The following FGGY variants were observed in gnomAD, a reference collection of about 807,000 sequenced individuals.
FGGY encodes the protein FGGY carbohydrate kinase domain containing.
FGGY carries 72 observed loss-of-function variants against 71.3 expected under a neutral mutation model. That is an observed-to-expected ratio of 1.01 (90% CI 0.84 to 1.23). The LOEUF is 1.23. FGGY is among the 50% of genes most tolerant of loss of function. The probability of loss-of-function intolerance (pLI) is 0.00; values close to 1 mark genes in which losing one functional copy is unlikely to be tolerated. For missense variants in FGGY, 668 were observed against 682.3 expected, an observed-to-expected ratio of 0.98 and a Z score of 0.23; for synonymous variants, 251 against 250.3, an observed-to-expected ratio of 1.00 and a Z score of -0.02.
intron 7 of FGGY, among the ~76,000 whole-genome samples, chr1:59,533,963 G>A (rs1030164319): frequency 6.6e-6 from 1 of 152,310 alleles, no homozygotes; most frequent in Non-Finnish European, 1.5e-5. Context: ...CACCAGCAAC[G>A]GAACAAAGCT....
intron 2 of FGGY, among the ~76,000 whole-genome samples, chr1:59,337,984 A>G (rs529705099): frequency 4.1e-4 from 63 of 152,306 alleles, no homozygotes; most frequent in African/African-American, 1.4e-3. Flanking sequence ...TGTTAGCTGT[A>G]GGTTTTTGTA....
At chr1:59,569,203 T>A (rs2095936431) in intron 8 of FGGY, among the ~76,000 whole-genome samples, 1 of 152,146 alleles carries the variant, frequency 6.6e-6, no homozygotes, top group South Asian at 2.1e-4. Flanking sequence ...AATTGTCGAA[T>A]CCCTGAATGG....
intron 7 of FGGY, among the ~76,000 whole-genome samples, chr1:59,533,057 A>G (rs12747307): frequency 0.17 from 25,808 of 152,170 alleles, 2,621 homozygotes; most frequent in South Asian, 0.34. Context: ...CTTGAGCGAC[A>G]CAGCAGACGG....
intron 14 of FGGY, among the ~76,000 whole-genome samples, chr1:59,739,889 G>T (rs1158277589): frequency 2.0e-5 from 3 of 152,178 alleles, no homozygotes; most frequent in African/African-American, 7.2e-5. Flanking sequence ...CCTGGTTTCT[G>T]GTTGGGTTTG....
intron 6 of FGGY, among the ~76,000 whole-genome samples, chr1:59,499,457 T>C (rs1198946499): frequency 6.6e-6 from 1 of 152,062 alleles, no homozygotes; most frequent in Non-Finnish European, 1.5e-5. Flanking sequence ...TTCAGAATGG[T>C]GTGCAATTTA....
At chr1:59,613,327 T>C (rs1262055299) in intron 9 of FGGY, among the ~76,000 whole-genome samples, 5 of 152,060 alleles carry the variant, frequency 3.3e-5, no homozygotes, top group South Asian at 2.1e-4. Flanking sequence ...CAAAGTAGAA[T>C]TCAGGTTTCA....
chr1:59,533,877 G>A lies in FGGY; in HGVS notation c.800-20247G>A, dbSNP rs372951597. ...AAAAGTAGATAAAACCACAAAGATG[G>A]GGAAAAAACAGAGCAGAAAAACTGG... On this transcript the variant is annotated intron_variant, in intron 7 of 15. Transcript: ENST00000303721. Among the ~76,000 whole-genome samples the A allele has an allele frequency of 3.0e-4, 46 of 152,260 alleles. No individual in the cohort carries two copies. In the East Asian group the frequency reaches 4.6e-3, roughly 15 times the overall value.
At chr1:59,680,521 G>C (rs943155161) in intron 14 of FGGY, among the ~76,000 whole-genome samples, 17 of 140,494 alleles carry the variant, frequency 1.2e-4, no homozygotes, top group African/African-American at 4.5e-4. Flanking sequence ...AACAAAAATA[G>C]ATCAGGTTCT....
chr1:59,299,377 G>T (rs2153073646), intron 1 of FGGY, among the ~76,000 whole-genome samples: 1 of 152,252 alleles, frequency 6.6e-6, no homozygotes, highest in East Asian at 1.9e-4. Flanking sequence ...ATATCTCCAG[G>T]GCAAACAGTG....
chr1:59,631,934 G>A (rs1190476452), intron 10 of FGGY, among the ~76,000 whole-genome samples: 3 of 152,118 alleles, frequency 2.0e-5, no homozygotes, highest in African/African-American at 7.2e-5. Context: ...CTCTAAACTT[G>A]ATTCTCTTAG....
At chr1:59,744,949 A>G (rs951414086) in intron 14 of FGGY, among the ~76,000 whole-genome samples, 7 of 152,206 alleles carry the variant, frequency 4.6e-5, no homozygotes, top group African/African-American at 1.7e-4. Flanking sequence ...GATTATAAAC[A>G]CATAATAAAG....
Position 59,732,047 on chromosome 1 carries a change from C to T in FGGY, c.1513-25884C>T, listed in dbSNP as rs139395081. Among the ~76,000 whole-genome samples, 46 of 152,272 alleles carry T rather than the reference C, an allele frequency of 3.0e-4. No individual in the cohort carries two copies. In the East Asian group the frequency reaches 6.0e-3, roughly 20 times the overall value. ...TCTGTAAAATGGAGGTAATACCAGTCCCGTCATCATCCAGTTGCTGTGAGG... is the reference window on the plus strand; with the variant it reads ...TCTGTAAAATGGAGGTAATACCAGTTCCGTCATCATCCAGTTGCTGTGAGG... On this transcript the variant is annotated intron_variant, in intron 14 of 15. Transcript: ENST00000303721.
intron 6 of FGGY, among the ~76,000 whole-genome samples, chr1:59,481,441 G>A (rs1437078672): frequency 6.6e-6 from 1 of 152,082 alleles, no homozygotes; most frequent in African/African-American, 2.4e-5. Context: ...CTGTGCGAGT[G>A]CTTTCTCTCT....
intron 8 of FGGY, among the ~76,000 whole-genome samples, chr1:59,595,134 A>T (rs1248388155): frequency 5.3e-5 from 8 of 152,174 alleles, no homozygotes; most frequent in Admixed American, 3.9e-4. Flanking sequence ...GCTACTTGGT[A>T]CCTGTAGGAC....
chr1:59,314,509 C>G (rs2045033972), intron 1 of FGGY, among the ~76,000 whole-genome samples: 1 of 152,138 alleles, frequency 6.6e-6, no homozygotes, highest in Admixed American at 6.5e-5. Flanking sequence ...ACAACAATCC[C>G]TTGGAGTAGT....
intron 14 of FGGY, among the ~76,000 whole-genome samples, chr1:59,733,470 T>C (rs12730394): frequency 8.9e-6 from 1 of 112,114 alleles, no homozygotes; most frequent in East Asian, 2.4e-4. Context: ...TGTTTTTTTG[T>C]TTTGTTTTGT....
intron 6 of FGGY, among the ~76,000 whole-genome samples, chr1:59,462,149 C>T (rs574035946): frequency 9.2e-5 from 14 of 152,102 alleles, no homozygotes; most frequent in East Asian, 1.9e-4. Flanking sequence ...TCAGAAATAA[C>T]GCCGCATATC....
chr1:59,615,098 C>A (rs192716797), intron 9 of FGGY, among the ~76,000 whole-genome samples: 16 of 152,252 alleles, frequency 1.1e-4, no homozygotes, highest in African/African-American at 3.6e-4. Flanking sequence ...AGATTCAATG[C>A]CATCCCCATC....
chr1:59,324,542 C>T (rs1392036588), intron 2 of FGGY, among the ~76,000 whole-genome samples: 3 of 152,048 alleles, frequency 2.0e-5, no homozygotes, highest in Non-Finnish European at 4.4e-5. Context: ...TCCCAAAGTG[C>T]TGGGATTACA....
Sources: gnomAD v4.1 joint callset for allele counts (sites outside exome capture counted in the v4.1 genomes callset) on GRCh38, gnomAD v4.1.1 for gene constraint, MANE v1.5 for transcripts, NCBI Gene and HGNC (gene_info 2026-07-23, HGNC 2026-07-21) for gene names.